Variants in LRMDA observed in about 807,000 individuals in gnomAD.
The protein encoded by LRMDA is leucine-rich melanocyte differentiation-associated protein.
LRMDA carries 18 observed loss-of-function variants against 29.8 expected under a neutral mutation model. The observed-to-expected ratio is 0.60, with a 90% CI of 0.42 to 0.90. The LOEUF (loss-of-function observed/expected upper bound fraction) is 0.90, where lower values mean the gene tolerates loss of function less well. Ranked by LOEUF, LRMDA falls within the 40% of genes least tolerant of loss-of-function variation. The pLI is 0.00. For synonymous variants in LRMDA, 125 were observed against 109.4 expected, an observed-to-expected ratio of 1.14 and a Z score of -0.89; for missense variants, 273 against 273.9, an observed-to-expected ratio of 1.00 and a Z score of 0.02.
chr10:76,557,618 C>A lies in LRMDA; in HGVS notation c.*330C>A, dbSNP rs1843574840. The A allele has an allele frequency of 3.0e-6, 1 of 333,708 alleles. No homozygotes were observed. The highest frequency in any genetic ancestry group is 4.3e-5 in the South Asian group (1 of 23,422). The allele number at this position is 333,708 out of a possible 1,614,324, so 20.7% of individuals were successfully genotyped here. On this transcript the variant is annotated 3_prime_UTR_variant, in exon 7 of 7. Transcript: ENST00000611255. ...GGTCCTGCCACTGCTCACAGGGGAG[C>A]AGAGGTCACACCTGGGGCCTCCCTG...
chr10:76,257,734 T>C (rs193082000), intron 5 of LRMDA, among the ~76,000 whole-genome samples: 2 of 152,354 alleles, frequency 1.3e-5, no homozygotes, highest in African/African-American at 4.8e-5. Flanking sequence ...TCCTTTTATC[T>C]TGCAACAAAC....
At chr10:75,624,899 A>G (rs1330184717) in intron 2 of LRMDA, among the ~76,000 whole-genome samples, 5 of 152,220 alleles carry the variant, frequency 3.3e-5, no homozygotes. Flanking sequence ...ACCAAGGCAC[A>G]CTAATAACAA....
chr10:76,068,028 G>A (rs1240009545), intron 5 of LRMDA, among the ~76,000 whole-genome samples: 2 of 152,200 alleles, frequency 1.3e-5, no homozygotes, highest in Non-Finnish European at 2.9e-5. Flanking sequence ...ACAGATGCCA[G>A]GCCACTAGAG....
chr10:75,861,154 A>G, intron 2 of LRMDA, among the ~76,000 whole-genome samples: 1 of 152,270 alleles, frequency 6.6e-6, no homozygotes. Flanking sequence ...GTGCTTTGAT[A>G]AAATTGAAAT....
At chr10:76,182,525 G>A (rs1048077301) in intron 5 of LRMDA, among the ~76,000 whole-genome samples, 6 of 152,116 alleles carry the variant, frequency 3.9e-5, no homozygotes, top group African/African-American at 4.8e-5. Context: ...CATCATTGCC[G>A]GTGCCTCCTG....
chr10:75,799,044 GATTA>G (rs1165918149), intron 2 of LRMDA, among the ~76,000 whole-genome samples: 1 of 152,160 alleles, frequency 6.6e-6, no homozygotes, highest in Non-Finnish European at 1.5e-5. Context: ...ATATCAATTA[GATTA>G]ATTTATTCAG....
chr10:75,485,563 A>C (rs1043734040), intron 2 of LRMDA, among the ~76,000 whole-genome samples: 12 of 151,400 alleles, frequency 7.9e-5, no homozygotes, highest in African/African-American at 2.7e-4. Context: ...TGCCCAGCTA[A>C]TTTTGTGTGT....
At chr10:76,274,746 G>A (rs1340768481) in intron 5 of LRMDA, among the ~76,000 whole-genome samples, 1 of 152,066 alleles carries the variant, frequency 6.6e-6, no homozygotes, top group Non-Finnish European at 1.5e-5. Flanking sequence ...GAGTATATGT[G>A]TTTTGATATT....
intron 2 of LRMDA, among the ~76,000 whole-genome samples, chr10:75,544,096 C>T (rs898013034): frequency 2.0e-5 from 3 of 152,076 alleles, no homozygotes; most frequent in Admixed American, 6.6e-5. Context: ...AATGAAGCTT[C>T]GTGCACATGC....
rs575548315 is a variant in LRMDA, at chr10:76,178,275, C to G, written c.516+119492C>G. On this transcript the variant is annotated intron_variant, in intron 5 of 6. Coordinates refer to ENST00000611255, the MANE Select transcript of LRMDA (RefSeq NM_001305581.2). The stretch of plus-strand genomic sequence containing the variant: ...TCTTGCGGGGAACTTTATGGTAGAC[C>G]AGGCCAACCATGATGAGGACTACCT... 1.1e-3 allele frequency among the ~76,000 whole-genome samples: 161 copies of G among 152,184 alleles called. 1 individual carries two copies. The highest frequency in any genetic ancestry group is 3.6e-3 in the African/African-American group (148 of 41,490).
intron 2 of LRMDA, among the ~76,000 whole-genome samples, chr10:75,589,785 G>A (rs1488151168): frequency 7.8e-6 from 1 of 127,684 alleles, no homozygotes; most frequent in African/African-American, 2.6e-5. Flanking sequence ...TATAGAGAGA[G>A]AGAGAGAGTT....
At chr10:75,932,516 G>A (rs1846222999) in intron 2 of LRMDA, among the ~76,000 whole-genome samples, 1 of 152,134 alleles carries the variant, frequency 6.6e-6, no homozygotes, top group Non-Finnish European at 1.5e-5. Flanking sequence ...GGGAGGCTGA[G>A]GTGGGAGATC....
intron 2 of LRMDA, among the ~76,000 whole-genome samples, chr10:75,594,501 A>G (rs1840762120): frequency 6.6e-6 from 1 of 152,242 alleles, no homozygotes; most frequent in South Asian, 2.1e-4. Flanking sequence ...ACAAGTAGTT[A>G]CACAAATATA....
rs192771462 is a variant in LRMDA, at chr10:76,254,851, A to G, written c.517-69550A>G. On this transcript the variant is annotated intron_variant, in intron 5 of 6. Coordinates refer to ENST00000611255, the MANE Select transcript of LRMDA (RefSeq NM_001305581.2). ...TATTTTAGAAGTTACGACCGGTTTT[A>G]TAGGAACAATGTGCCTTTATCATGT... 2.4e-4 allele frequency among the ~76,000 whole-genome samples: 36 copies of G among 152,108 alleles called. No homozygotes were observed. In the East Asian group the frequency reaches 6.6e-3, roughly 28 times the overall value.
intron 2 of LRMDA, among the ~76,000 whole-genome samples, chr10:75,823,874 T>C (rs923594747): frequency 7.2e-5 from 11 of 152,126 alleles, no homozygotes; most frequent in Admixed American, 7.2e-4. Context: ...TTATCCTTAG[T>C]GAAATGACTC....
At chr10:76,112,835 C>G (rs1274346342) in intron 5 of LRMDA, among the ~76,000 whole-genome samples, 1 of 152,162 alleles carries the variant, frequency 6.6e-6, no homozygotes, top group African/African-American at 2.4e-5. Flanking sequence ...CTGCTTCTCT[C>G]TCTCTTTTTT....
chr10:75,767,452 T>G (rs753191179), intron 2 of LRMDA, among the ~76,000 whole-genome samples: 6 of 152,202 alleles, frequency 3.9e-5, no homozygotes, highest in Non-Finnish European at 7.4e-5. Context: ...AATGCCTTGT[T>G]CCTGCTGTGT....
chr10:75,776,608 G>T (rs1441451561), intron 2 of LRMDA, among the ~76,000 whole-genome samples: 1 of 152,144 alleles, frequency 6.6e-6, no homozygotes, highest in Non-Finnish European at 1.5e-5. Flanking sequence ...ACCAGAGATT[G>T]GTTCCCCTAA....
intron 2 of LRMDA, among the ~76,000 whole-genome samples, chr10:75,796,203 C>T (rs1016402167): frequency 1.3e-5 from 2 of 152,106 alleles, no homozygotes; most frequent in Admixed American, 1.3e-4. Flanking sequence ...ATTGCCCTGG[C>T]CAGAGGTTCC....
Sources: gnomAD v4.1 joint callset for allele counts (sites outside exome capture counted in the v4.1 genomes callset) on GRCh38, gnomAD v4.1.1 for gene constraint, MANE v1.5 for transcripts, NCBI Gene and HGNC (gene_info 2026-07-23, HGNC 2026-07-21) for gene names.